ARK2C: variants seen among roughly 807,000 people sequenced by gnomAD.
The protein encoded by ARK2C is arkadia (RNF111) C-terminal like ring finger ubiquitin ligase 2C.
At chr18:46,450,895 C>T in the ARK2C span, 1 of 848,290 alleles carries the variant, frequency 1.2e-6, no homozygotes, top group Non-Finnish European at 2.0e-6. Context: ...GGGGTGCAGT[C>T]CAGATTCTAG....
chr18:46,420,661 A>G, the ARK2C span, among the ~76,000 whole-genome samples: 2 of 152,272 alleles, frequency 1.3e-5, no homozygotes, highest in Admixed American at 6.5e-5. Flanking sequence ...CCTGGCCAAC[A>G]TGGTGAAACC....
chr18:46,338,359 CA>C, the ARK2C span, among the ~76,000 whole-genome samples: 3 of 152,238 alleles, frequency 2.0e-5, no homozygotes, highest in African/African-American at 7.2e-5. Context: ...TATCCAGGGC[CA>C]GCAGCGGACC....
the ARK2C span, among the ~76,000 whole-genome samples, chr18:46,402,384 T>A: frequency 6.6e-6 from 1 of 152,262 alleles, no homozygotes; most frequent in South Asian, 2.1e-4. Flanking sequence ...GGATGCCCAG[T>A]TACATTTTAA....
the ARK2C span, among the ~76,000 whole-genome samples, chr18:46,384,315 C>G: frequency 6.6e-6 from 1 of 152,224 alleles, no homozygotes; most frequent in Non-Finnish European, 1.5e-5. Context: ...AGTGTCCAGT[C>G]TTCCCGAGGA....
chr18:46,431,916 G>T, the ARK2C span, among the ~76,000 whole-genome samples: 1 of 152,150 alleles, frequency 6.6e-6, no homozygotes, highest in African/African-American at 2.4e-5. Context: ...GTAGGTGCTT[G>T]GTGTTCAATT....
chr18:46,382,651 G>A, the ARK2C span, among the ~76,000 whole-genome samples: 1 of 152,040 alleles, frequency 6.6e-6, no homozygotes, highest in Non-Finnish European at 1.5e-5. Flanking sequence ...TCTGTCTATT[G>A]TCCATCTCCT....
At chr18:46,355,611 G>A in the ARK2C span, among the ~76,000 whole-genome samples, 1 of 152,170 alleles carries the variant, frequency 6.6e-6, no homozygotes. Flanking sequence ...AGACACTTGG[G>A]GACCTCCAGG....
the ARK2C span, among the ~76,000 whole-genome samples, chr18:46,340,187 T>A: frequency 6.6e-6 from 1 of 152,326 alleles, no homozygotes; most frequent in East Asian, 1.9e-4. Context: ...GAATTAGTAT[T>A]TATTAGTTTC....
At chr18:46,342,556 T>A in the ARK2C span, among the ~76,000 whole-genome samples, 1 of 152,070 alleles carries the variant, frequency 6.6e-6, no homozygotes, top group Non-Finnish European at 1.5e-5. Flanking sequence ...GAACCCAGGG[T>A]GGAGAGTCCT....
the ARK2C span, chr18:46,456,704 C>A: frequency 9.0e-7 from 1 of 1,109,408 alleles, no homozygotes; most frequent in Non-Finnish European, 1.4e-6. Context: ...GCCCTTGCAG[C>A]CAAACTTTGC....
At chr18:46,347,772 A>AG in the ARK2C span, among the ~76,000 whole-genome samples, 2 of 152,214 alleles carry the variant, frequency 1.3e-5, no homozygotes, top group East Asian at 3.9e-4. Context: ...AATAAAAGGA[A>AG]GGGGGAAACT....
the ARK2C span, chr18:46,462,626 C>T: frequency 0.013 from 2,041 of 152,682 alleles, 14 homozygotes; most frequent in Middle Eastern, 0.027. Flanking sequence ...GAGTCCCCCA[C>T]CACACTGGAG....
At chr18:46,424,273 G>A in the ARK2C span, among the ~76,000 whole-genome samples, 1 of 152,224 alleles carries the variant, frequency 6.6e-6, no homozygotes, top group African/African-American at 2.4e-5. Flanking sequence ...GAGAATGGCT[G>A]TCGAGGGCCC....
chr18:46,380,836 G>T, the ARK2C span, among the ~76,000 whole-genome samples: 1 of 152,182 alleles, frequency 6.6e-6, no homozygotes, highest in African/African-American at 2.4e-5. Context: ...CTTCCTGCAG[G>T]TCCCCATCAC....
the ARK2C span, among the ~76,000 whole-genome samples, chr18:46,404,859 C>T: frequency 6.6e-6 from 1 of 151,988 alleles, no homozygotes; most frequent in African/African-American, 2.4e-5. Flanking sequence ...ATTATTAGTT[C>T]CATTTTAGAG....
At chr18:46,458,049 G>C in the ARK2C span, 1 of 152,446 alleles carries the variant, frequency 6.6e-6, no homozygotes, top group African/African-American at 2.4e-5. Context: ...TCTCCTTTGA[G>C]GGGGGAGAGA....
the ARK2C span, among the ~76,000 whole-genome samples, chr18:46,364,430 G>T: frequency 6.6e-6 from 1 of 150,976 alleles, no homozygotes; most frequent in Non-Finnish European, 1.5e-5. Context: ...CTCTAAAGTC[G>T]TAGAACACGC....
the ARK2C span, chr18:46,337,025 A>G: frequency 4.1e-6 from 4 of 985,376 alleles, no homozygotes; most frequent in Non-Finnish European, 4.8e-6. Flanking sequence ...GCATCTTTGG[A>G]CATCCGCCCT....
At chr18:46,413,706 C>A in the ARK2C span, among the ~76,000 whole-genome samples, 1 of 152,098 alleles carries the variant, frequency 6.6e-6, no homozygotes, top group Non-Finnish European at 1.5e-5. Context: ...TTCTGCTCTA[C>A]TCACATTTAA....
Sources: allele counts gnomAD v4.1 joint callset (sites outside exome capture counted in the v4.1 genomes callset), GRCh38; gene constraint gnomAD v4.1.1; transcripts MANE v1.5; gene names NCBI Gene and HGNC (gene_info 2026-07-23, HGNC 2026-07-21).